Variants in CAMK2B observed in about 807,000 individuals in gnomAD.
CAMK2B encodes the protein calcium/calmodulin-dependent protein kinase type II subunit beta.
CAMK2B carries 27 observed loss-of-function variants against 93.7 expected under a neutral mutation model. The ratio of observed to expected loss-of-function variants is 0.29; its 90% CI spans 0.21 to 0.40. The LOEUF (loss-of-function observed/expected upper bound fraction) is 0.40, where lower values mean the gene tolerates loss of function less well. Ranked by LOEUF, CAMK2B falls within the 10% of genes least tolerant of loss-of-function variation. CAMK2B has a pLI of 1.00. For missense variants in CAMK2B, 568 were observed against 895.8 expected, an observed-to-expected ratio of 0.63 and a Z score of 4.67; for synonymous variants, 374 against 358.8, an observed-to-expected ratio of 1.04 and a Z score of -0.48.
chr7:44,307,888 G>C (rs1792358162), intron 1 of CAMK2B, among the ~76,000 whole-genome samples: 2 of 151,818 alleles, frequency 1.3e-5, no homozygotes, highest in Admixed American at 1.3e-4. Flanking sequence ...TTTTTAACTG[G>C]GGGGCCTCAT....
At chr7:44,317,062 C>T (rs1051116976) in intron 1 of CAMK2B, among the ~76,000 whole-genome samples, 1 of 151,940 alleles carries the variant, frequency 6.6e-6, no homozygotes, top group African/African-American at 2.4e-5. Flanking sequence ...ATATAAGCTC[C>T]CTAAGGGCAG....
intron 3 of CAMK2B, among the ~76,000 whole-genome samples, chr7:44,261,774 A>C (rs2096881163): frequency 6.6e-6 from 1 of 152,250 alleles, no homozygotes; most frequent in Non-Finnish European, 1.5e-5. Flanking sequence ...ATTGTCAGGA[A>C]ATCTATTTAA....
intron 13 of CAMK2B, among the ~76,000 whole-genome samples, chr7:44,235,446 C>G (rs922041359): frequency 3.9e-5 from 6 of 152,202 alleles, no homozygotes; most frequent in Non-Finnish European, 7.3e-5. Context: ...CCCCAGCCCC[C>G]GGTGCCCACA....
chr7:44,233,442 C>A (rs962728338), intron 15 of CAMK2B, among the ~76,000 whole-genome samples: 1 of 152,158 alleles, frequency 6.6e-6, no homozygotes, highest in African/African-American at 2.4e-5. Flanking sequence ...GCTCTCCTCT[C>A]CTGGGTCTCA....
intron 1 of CAMK2B, among the ~76,000 whole-genome samples, chr7:44,287,651 G>A (rs575549355): frequency 6.6e-6 from 1 of 152,288 alleles, no homozygotes. Flanking sequence ...ACTCCCTTGC[G>A]ACTCAGTGCT....
intron 2 of CAMK2B, among the ~76,000 whole-genome samples, chr7:44,276,279 C>T (rs1482439049): frequency 6.6e-6 from 1 of 152,114 alleles, no homozygotes; most frequent in Non-Finnish European, 1.5e-5. Flanking sequence ...AATGCGGCGC[C>T]TTGTCCTCTA....
intron 22 of CAMK2B, 40 bp from the exon 23 acceptor site, chr7:44,220,334 G>T: frequency 6.7e-7 from 1 of 1,483,388 alleles, no homozygotes. Context: ...GGGTTACCAT[G>T]ACTGCCCTGG....
At chr7:44,244,955 G>A (rs939976753) in intron 6 of CAMK2B, 11 of 456,092 alleles carry the variant, frequency 2.4e-5, no homozygotes, top group Non-Finnish European at 4.0e-5. Flanking sequence ...CAATCCACAG[G>A]CCACTGGACA....
At position 44,286,517 on chromosome 7, in the gene CAMK2B, C is replaced by G. The variant is rs933672844; in HGVS notation, c.66-2292G>C. Among the ~76,000 whole-genome samples, 5 of 152,224 alleles carry G rather than the reference C, an allele frequency of 3.3e-5. No individual in the cohort carries two copies. The highest frequency in any genetic ancestry group is 5.9e-5 in the Non-Finnish European group (4 of 68,044). ...AGCTTCCCACCAGCACAGCAGGCTC[C>G]CAGCTGCTGGCCAGACTCAGACAGG... On this transcript the variant is annotated intron_variant, in intron 1 of 23. Coordinates refer to ENST00000395749, the MANE Select transcript of CAMK2B (RefSeq NM_001220.5). The surrounding 1 kb of genome is among the most constrained non-coding windows in gnomAD (Gnocchi z 4.0).
chr7:44,234,594 A>C, intron 14 of CAMK2B, 45 bp downstream of exon 14: 1 of 1,610,474 alleles, frequency 6.2e-7, no homozygotes, highest in Non-Finnish European at 8.5e-7. Context: ...GTGAAGCTGC[A>C]GGCTCTGGGC....
At chr7:44,293,530 G>A (rs775966501) in intron 1 of CAMK2B, among the ~76,000 whole-genome samples, 7 of 152,142 alleles carry the variant, frequency 4.6e-5, no homozygotes, top group Non-Finnish European at 1.0e-4. Context: ...TTGGCACCAG[G>A]GACTGGTTTT....
intron 2 of CAMK2B, among the ~76,000 whole-genome samples, chr7:44,282,247 A>T (rs1468941876): frequency 6.6e-6 from 1 of 152,190 alleles, no homozygotes; most frequent in Non-Finnish European, 1.5e-5. Context: ...TGATCAAGAA[A>T]AAACAAGCTG....
At position 44,265,776 on chromosome 7, in the gene CAMK2B, C is replaced by T. The variant is rs556298213; in HGVS notation, c.161-2712G>A. Among the ~76,000 whole-genome samples, 7 of 152,284 alleles carry T rather than the reference C, an allele frequency of 4.6e-5. No individual in the cohort carries two copies. In the South Asian group the frequency reaches 1.5e-3, roughly 32 times the overall value. ...GGCACCAGGTGTCCACTCATGGTGG[C>T]CATACAGGTTGCTGACTGGTCCTCT... On this transcript the variant is annotated intron_variant, in intron 2 of 23. Coordinates refer to ENST00000395749, the MANE Select transcript of CAMK2B (RefSeq NM_001220.5).
intron 5 of CAMK2B, among the ~76,000 whole-genome samples, chr7:44,249,463 C>T (rs760859180): frequency 6.6e-6 from 1 of 152,168 alleles, no homozygotes; most frequent in African/African-American, 2.4e-5. Flanking sequence ...GTGGTGTGGA[C>T]GGTAGCAGTG....
intron 1 of CAMK2B, among the ~76,000 whole-genome samples, chr7:44,314,026 T>C (rs1326614532): frequency 1.3e-5 from 2 of 152,158 alleles, no homozygotes; most frequent in Admixed American, 1.3e-4. Context: ...GCAGTCACTT[T>C]AATTTCTAAG....
chr7:44,235,043 T>G (rs2075076), intron 13 of CAMK2B, among the ~76,000 whole-genome samples: 54,531 of 152,110 alleles, frequency 0.36, 10,445 homozygotes, highest in Middle Eastern at 0.44. Context: ...CAGGACTAGC[T>G]GTGTCAGGTT....
rs1221539679 is a variant in CAMK2B, at chr7:44,256,047, TC to T, written c.276-1441del. On this transcript the variant is annotated intron_variant, in intron 4 of 23. Transcript: ENST00000395749. ...GCTCTGCCTCTGTTGCCTGACTGGT[TC>T]TGCTGTTCTGTGTCCCCGACCAGCA... 2.0e-5 allele frequency among the ~76,000 whole-genome samples: 3 copies of T among 152,186 alleles called. No individual in the cohort carries two copies. The East Asian group carries it at 5.8e-4, about 29-fold the overall frequency.
intron 13 of CAMK2B, among the ~76,000 whole-genome samples, chr7:44,238,664 A>C (rs2096647902): frequency 6.6e-6 from 1 of 152,214 alleles, no homozygotes; most frequent in Non-Finnish European, 1.5e-5. Flanking sequence ...GGCAGTCTCC[A>C]GCACCCTGGA....
chr7:44,238,876 G>A (rs1351801915), intron 13 of CAMK2B, among the ~76,000 whole-genome samples: 1 of 152,152 alleles, frequency 6.6e-6, no homozygotes, highest in Non-Finnish European at 1.5e-5. Flanking sequence ...CCCTCATGGG[G>A]TCTGCCCATG....
Sources: gnomAD v4.1 joint callset for allele counts (sites outside exome capture counted in the v4.1 genomes callset) on GRCh38, gnomAD v4.1.1 for gene constraint, Gnocchi (gnomAD v3.1) non-coding constraint, MANE v1.5 for transcripts, NCBI Gene and HGNC (gene_info 2026-07-23, HGNC 2026-07-21) for gene names.